PDIA5: variants seen among roughly 807,000 people sequenced by gnomAD.
PDIA5 encodes protein disulfide isomerase family A member 5, also known as protein disulfide-isomerase A5.
A neutral mutation model predicts 77.6 loss-of-function variants in PDIA5; 58 were observed. The ratio of observed to expected loss-of-function variants is 0.75; its 90% CI spans 0.61 to 0.93. The LOEUF (loss-of-function observed/expected upper bound fraction) is 0.93, where lower values mean the gene tolerates loss of function less well. PDIA5 is among the 40% of genes least tolerant of loss of function. The pLI is 0.00. For synonymous variants in PDIA5, 250 were observed against 252.1 expected (o/e 0.99, Z 0.08); for missense variants, 630 against 647.7 (o/e 0.97, Z 0.30).
chr3:123,101,547 A>T (rs1347630187), intron 3 of PDIA5, among the ~76,000 whole-genome samples: 1 of 152,134 alleles, frequency 6.6e-6, no homozygotes, highest in Non-Finnish European at 1.5e-5. Flanking sequence ...TTTTGTCAAT[A>T]CCTGGCCAGA....
chr3:123,131,010 A>G (rs1576456428), intron 11 of PDIA5, among the ~76,000 whole-genome samples: 1 of 152,300 alleles, frequency 6.6e-6, no homozygotes, highest in East Asian at 1.9e-4. Context: ...GGGGGCTCAT[A>G]CCTATAATCC....
intron 11 of PDIA5, among the ~76,000 whole-genome samples, chr3:123,140,102 T>C (rs1266873459): frequency 6.6e-6 from 1 of 151,972 alleles, no homozygotes; most frequent in Non-Finnish European, 1.5e-5. Flanking sequence ...TAAAGAGGGG[T>C]AAGCCGCATA....
chr3:123,150,740 G>A (rs552323612), intron 14 of PDIA5, among the ~76,000 whole-genome samples: 1 of 147,916 alleles, frequency 6.8e-6, no homozygotes, highest in African/African-American at 2.5e-5. Flanking sequence ...CTTATCTTCA[G>A]CACCTTGGAA....
At chr3:123,140,798 A>G (rs1201853180) in intron 11 of PDIA5, among the ~76,000 whole-genome samples, 1 of 152,196 alleles carries the variant, frequency 6.6e-6, no homozygotes, top group Non-Finnish European at 1.5e-5. Flanking sequence ...GAGGTGGGGA[A>G]TTCTGGGAGC....
chr3:123,074,451 GC>G (rs1257211199), intron 1 of PDIA5, among the ~76,000 whole-genome samples: 1 of 152,136 alleles, frequency 6.6e-6, no homozygotes, highest in Admixed American at 6.5e-5. Flanking sequence ...AAAGTAAAAT[GC>G]ATAGAATTAC....
Position 123,124,074 on chromosome 3 carries a change from C to T in PDIA5, c.618C>T (p.Ala206=), listed in dbSNP as rs150390317. The change falls in exon 9 of 17, where the codon GCC becomes GCT. Residue 206 remains alanine (A), a synonymous_variant. Coordinates refer to ENST00000316218, the MANE Select transcript of PDIA5 (RefSeq NM_006810.4). ...ATQLRGHAVL[A]GMNVYSSEFE... ...TCTCCGCTTCCTCCCAGGTGCTGGC[C>T]GGGATGAATGTCTACTCCTCTGAAT... 8.1e-6 allele frequency: 13 copies of T among 1,612,836 alleles called. No homozygotes were observed. Among genetic ancestry groups the T allele is most frequent in the Middle Eastern group, 1.6e-4 (1 of 6,082 alleles).
At chr3:123,129,723 C>CTG (rs1442592067) in intron 10 of PDIA5, among the ~76,000 whole-genome samples, 1 of 152,198 alleles carries the variant, frequency 6.6e-6, no homozygotes, top group African/African-American at 2.4e-5. Flanking sequence ...CAGATGATGA[C>CTG]CTAGGACTGG....
intron 1 of PDIA5, among the ~76,000 whole-genome samples, chr3:123,088,938 A>T (rs746270298): frequency 6.6e-6 from 1 of 152,214 alleles, no homozygotes; most frequent in African/African-American, 2.4e-5. Context: ...CTGACTGTAT[A>T]TATCTGCAGT....
At chr3:123,124,867 A>G (rs960501405) in intron 10 of PDIA5, among the ~76,000 whole-genome samples, 1 of 152,198 alleles carries the variant, frequency 6.6e-6, no homozygotes, top group Admixed American at 6.5e-5. Flanking sequence ...CTGTGAAGGT[A>G]CTAAGAAATA....
At chr3:123,126,909 A>C (rs146592159) in intron 10 of PDIA5, among the ~76,000 whole-genome samples, 1 of 152,256 alleles carries the variant, frequency 6.6e-6, no homozygotes, top group East Asian at 1.9e-4. Context: ...AGGGCTCTGG[A>C]GTAGATGTGT....
intron 8 of PDIA5, 56 bp downstream of exon 8, chr3:123,116,354 A>C: frequency 7.1e-7 from 1 of 1,418,142 alleles, no homozygotes; most frequent in Non-Finnish European, 9.9e-7. Context: ...TTGGCGGAGG[A>C]AGGGTGCCAG....
At chr3:123,113,890 TG>T (rs1263124735) in intron 7 of PDIA5, among the ~76,000 whole-genome samples, 1 of 152,230 alleles carries the variant, frequency 6.6e-6, no homozygotes, top group Non-Finnish European at 1.5e-5. Flanking sequence ...CTCTGACTTT[TG>T]AGGTTTGAGA....
intron 1 of PDIA5, among the ~76,000 whole-genome samples, chr3:123,086,016 G>A (rs1187944992): frequency 6.6e-6 from 1 of 152,204 alleles, no homozygotes; most frequent in Non-Finnish European, 1.5e-5. Context: ...AGGGCAGCGG[G>A]TCCTCAGACA....
intron 15 of PDIA5, among the ~76,000 whole-genome samples, chr3:123,157,998 G>A (rs527263241): frequency 6.6e-6 from 1 of 152,308 alleles, no homozygotes; most frequent in South Asian, 2.1e-4. Context: ...TCTGCCATGG[G>A]CCCACTTCAC....
chr3:123,147,925 T>C (rs1935806362), intron 13 of PDIA5, among the ~76,000 whole-genome samples: 1 of 152,156 alleles, frequency 6.6e-6, no homozygotes, highest in Admixed American at 6.5e-5. Flanking sequence ...ATCCAGAGTG[T>C]CGATCATCAC....
At chr3:123,108,644 T>C (rs1259065927) in intron 6 of PDIA5, among the ~76,000 whole-genome samples, 2 of 145,756 alleles carry the variant, frequency 1.4e-5, no homozygotes, top group African/African-American at 5.0e-5. Flanking sequence ...TCCCAGCACT[T>C]TGGGAGGCCG....
intron 11 of PDIA5, chr3:123,144,421 C>T (rs1293819406): frequency 6.6e-6 from 1 of 152,248 alleles, no homozygotes; most frequent in East Asian, 1.9e-4. Context: ...CTGCAGACCC[C>T]TCACCTCCCA....
At chr3:123,104,483 A>T (rs1162335604) in intron 5 of PDIA5, among the ~76,000 whole-genome samples, 1 of 152,240 alleles carries the variant, frequency 6.6e-6, no homozygotes, top group Non-Finnish European at 1.5e-5. Flanking sequence ...GGGGCCCATC[A>T]CCTGCAGGCC....
At chr3:123,073,357 G>A (rs1933775917) in intron 1 of PDIA5, among the ~76,000 whole-genome samples, 1 of 152,184 alleles carries the variant, frequency 6.6e-6, no homozygotes, top group Admixed American at 6.5e-5. Context: ...AGAGTTCTCA[G>A]TGCCTGGCTT....
Sources: allele counts gnomAD v4.1 joint callset (sites outside exome capture counted in the v4.1 genomes callset), GRCh38; gene constraint gnomAD v4.1.1; transcripts MANE v1.5; gene names NCBI Gene and HGNC (gene_info 2026-07-23, HGNC 2026-07-21).